Variants in MBNL2 observed in about 807,000 individuals in gnomAD.
The protein encoded by MBNL2 is muscleblind like splicing regulator 2.
Under a neutral mutation model 41.9 loss-of-function variants are expected in MBNL2, and 17 were observed. The observed-to-expected ratio is 0.41, with a 90% CI of 0.28 to 0.61. The LOEUF is 0.61. MBNL2 is among the 20% of genes least tolerant of loss of function. The pLI is 0.35. For synonymous variants in MBNL2, 195 were observed against 182.9 expected, an observed-to-expected ratio of 1.07 and a Z score of -0.53; for missense variants, 336 against 505.6, an observed-to-expected ratio of 0.66 and a Z score of 3.22.
chr13:97,342,511 C>T (rs147740623), intron 3 of MBNL2, among the ~76,000 whole-genome samples: 8 of 152,276 alleles, frequency 5.3e-5, no homozygotes, highest in East Asian at 3.9e-4. Flanking sequence ...TGATGGAATA[C>T]GGAAACATAC....
chr13:97,175,356 A>T, the MBNL2 span, among the ~76,000 whole-genome samples: 1 of 152,104 alleles, frequency 6.6e-6, no homozygotes, highest in South Asian at 2.1e-4. Flanking sequence ...ACGAATCCTG[A>T]CTTGAAGTCT....
intron 2 of MBNL2, among the ~76,000 whole-genome samples, chr13:97,296,513 C>T (rs1171514935): frequency 6.6e-6 from 1 of 152,042 alleles, no homozygotes. Flanking sequence ...ATATCAGGAG[C>T]TAAGTGTGGT....
chr13:97,355,582 G>T (rs2062915250), intron 5 of MBNL2, among the ~76,000 whole-genome samples: 1 of 151,710 alleles, frequency 6.6e-6, no homozygotes, highest in African/African-American at 2.4e-5. Flanking sequence ...TATTTTATTT[G>T]CAAAGAATTC....
intron 2 of MBNL2, among the ~76,000 whole-genome samples, chr13:97,312,519 G>T (rs2058700933): frequency 6.6e-6 from 1 of 152,046 alleles, no homozygotes. Flanking sequence ...TATTATCATT[G>T]CAAAATTCCT....
At chr13:97,222,744 AAATCGAGTTTTTATGCAAAG>A (rs1438563876) in intron 1 of MBNL2, among the ~76,000 whole-genome samples, 2 of 152,222 alleles carry the variant, frequency 1.3e-5, no homozygotes, top group Admixed American at 1.3e-4. Flanking sequence ...GTGAGGCAAG[AAATCGAGTTTTTATGCAAAG>A]AATCGATTCA....
At chr13:97,387,521 C>A (rs757460599) in intron 8 of MBNL2, among the ~76,000 whole-genome samples, 3 of 152,170 alleles carry the variant, frequency 2.0e-5, no homozygotes, top group Non-Finnish European at 4.4e-5. Flanking sequence ...CCTCGCCTTC[C>A]CCTGATTCCC....
At chr13:97,354,732 CA>C (rs2153102925) in intron 5 of MBNL2, among the ~76,000 whole-genome samples, 1 of 152,272 alleles carries the variant, frequency 6.6e-6, no homozygotes, top group South Asian at 2.1e-4. Context: ...TTTGTTAAGT[CA>C]AAATTTTGTT....
chr13:97,346,273 ATAGATGGATGGGTG>A lies in MBNL2; in HGVS notation c.541-530_541-517del, dbSNP rs1382650946. The stretch of plus-strand genomic sequence containing the variant: ...GATGGATGGATGGATGGATGGATGG[ATAGATGGATGGGTG>A]GATGGATAGATAGATGGATAATAGA... On this transcript the variant is annotated intron_variant, in intron 4 of 8. Transcript: ENST00000679496. This position sits in a 1 kb window ranked among gnomAD's most constrained non-coding sequence, Gnocchi z 4.2. 6.5e-4 allele frequency among the ~76,000 whole-genome samples: 99 copies of A among 152,000 alleles called. No homozygotes were observed. Among genetic ancestry groups the A allele is most frequent in the Middle Eastern group, 3.4e-3 (1 of 292 alleles).
the MBNL2 span, among the ~76,000 whole-genome samples, chr13:97,171,037 A>G: frequency 1.3e-5 from 2 of 152,228 alleles, no homozygotes; most frequent in Non-Finnish European, 1.5e-5. Context: ...TATACTGAGT[A>G]AGTAACTCAC....
At chr13:97,191,230 C>T in the MBNL2 span, among the ~76,000 whole-genome samples, 7 of 151,650 alleles carry the variant, frequency 4.6e-5, no homozygotes, top group African/African-American at 1.5e-4. Context: ...AACCAGACTG[C>T]GCCCTGGGAA....
intron 8 of MBNL2, among the ~76,000 whole-genome samples, chr13:97,383,413 A>G (rs1251807789): frequency 2.0e-5 from 3 of 152,236 alleles, no homozygotes; most frequent in African/African-American, 7.2e-5. Context: ...CAGCGAGGAC[A>G]GTATTATTGC....
In MBNL2 at chr13:97,303,282, A is replaced by G. The variant is rs1440070710; in HGVS notation, c.174+26873A>G. 8.5e-5 allele frequency among the ~76,000 whole-genome samples: 13 copies of G among 152,284 alleles called. No individual in the cohort carries two copies. In the East Asian group the frequency reaches 2.1e-3, roughly 25 times the overall value. ...CTGGCAATGCAGATTTGGATGGCAG[A>G]AGTCACAAGGCAAATACCAGCCCCC... On this transcript the variant is annotated intron_variant, in intron 2 of 8. Transcript: ENST00000679496.
chr13:97,349,948 A>G (rs886397597), intron 5 of MBNL2, among the ~76,000 whole-genome samples: 1 of 152,174 alleles, frequency 6.6e-6, no homozygotes, highest in African/African-American at 2.4e-5. Flanking sequence ...GGAAGAAGTT[A>G]AAGGTCATTT....
chr13:97,248,888 T>C (rs1224901038), intron 1 of MBNL2, among the ~76,000 whole-genome samples: 1 of 152,218 alleles, frequency 6.6e-6, no homozygotes, highest in Non-Finnish European at 1.5e-5. Flanking sequence ...GCCAAGTCTA[T>C]GGAAAATGTT....
rs924954839 is a variant in MBNL2 at position 97,393,798 on chromosome 13, A to G, written c.*2349A>G. 6.6e-6 allele frequency: 1 copy of G among 152,474 alleles called. No individual in the cohort carries two copies. Among genetic ancestry groups the G allele is most frequent in the Non-Finnish European group, 1.5e-5 (1 of 67,974 alleles). 9.4% of individuals were successfully genotyped at this position (152,474 alleles called of 1,614,324 possible). On this transcript the variant is annotated 3_prime_UTR_variant, in exon 9 of 9. Coordinates refer to ENST00000679496, the MANE Select transcript of MBNL2 (RefSeq NM_001382683.1). ...AAATCTTAAATGCTTTGTTTAATTA[A>G]AAAACAAAAATCACCAATATCCAAG...
chr13:97,247,422 G>C (rs957033371), intron 1 of MBNL2, among the ~76,000 whole-genome samples: 2 of 152,144 alleles, frequency 1.3e-5, no homozygotes, highest in Non-Finnish European at 2.9e-5. Context: ...CCCCTTAAAA[G>C]TGAGATAGGA....
chr13:97,340,810 C>T (rs113086894), intron 3 of MBNL2, among the ~76,000 whole-genome samples: 3 of 152,202 alleles, frequency 2.0e-5, no homozygotes, highest in African/African-American at 7.2e-5. Context: ...TGATTTTAGA[C>T]TATGAAATCA....
chr13:97,301,883 G>A (rs2057659426), intron 2 of MBNL2, among the ~76,000 whole-genome samples: 1 of 152,154 alleles, frequency 6.6e-6, no homozygotes, highest in African/African-American at 2.4e-5. Flanking sequence ...TAGGACATAG[G>A]GCAGACATGT....
chr13:97,375,629 C>T (rs1256512351), intron 8 of MBNL2, among the ~76,000 whole-genome samples: 2 of 152,200 alleles, frequency 1.3e-5, no homozygotes, highest in Admixed American at 1.3e-4. Flanking sequence ...ACTCTGTTTC[C>T]CTGTTTTACA....
Sources: allele counts gnomAD v4.1 joint callset (sites outside exome capture counted in the v4.1 genomes callset), GRCh38; gene constraint gnomAD v4.1.1; non-coding constraint Gnocchi (gnomAD v3.1); transcripts MANE v1.5; gene names NCBI Gene and HGNC (gene_info 2026-07-23, HGNC 2026-07-21).